Variants in MTURN observed in about 807,000 individuals in gnomAD.
MTURN encodes the protein maturin.
A neutral mutation model predicts 14.9 loss-of-function variants in MTURN; 7 were observed. The ratio of observed to expected loss-of-function variants is 0.47; its 90% CI spans 0.27 to 0.88. The LOEUF (loss-of-function observed/expected upper bound fraction) is 0.88. Ranked by LOEUF, MTURN falls within the 40% of genes least tolerant of loss-of-function variation. The probability of loss-of-function intolerance (pLI) is 0.14; values close to 1 mark genes in which losing one functional copy is unlikely to be tolerated. For missense variants in MTURN, 151 were observed against 174.1 expected (o/e 0.87, Z 0.75); for synonymous variants, 69 against 72.5 (o/e 0.95, Z 0.25).
intron 1 of MTURN, chr7:30,145,724 A>G (rs774937752): frequency 6.7e-5 from 77 of 1,145,726 alleles, no homozygotes; most frequent in Non-Finnish European, 8.7e-5. Flanking sequence ...CGATCTGGGT[A>G]AAGAATGTCT....
At chr7:30,138,636 T>G (rs753328455) in intron 1 of MTURN, among the ~76,000 whole-genome samples, 42 of 151,948 alleles carry the variant, frequency 2.8e-4, no homozygotes, top group Non-Finnish European at 6.0e-4. Context: ...AATGACTGCT[T>G]GGGGAGACTG....
intron 1 of MTURN, among the ~76,000 whole-genome samples, chr7:30,136,954 A>G (rs1796973456): frequency 6.6e-6 from 1 of 152,210 alleles, no homozygotes; most frequent in Non-Finnish European, 1.5e-5. Context: ...TGGTTTTCCC[A>G]CCTGTAAAAT....
Position 30,157,607 on chromosome 7 carries a change from G to T in MTURN, c.*59G>T. The T allele has an allele frequency of 1.5e-6, 2 of 1,309,474 alleles. No individual in the cohort carries two copies. The highest frequency in any genetic ancestry group is 2.9e-5 in the South Asian group (2 of 69,608). 81.1% of individuals were successfully genotyped at this position (1,309,474 alleles called of 1,614,324 possible). ...CCACAGTAACCTAGGTGGGGTCACT[G>T]CCCCTCCTGGGTTAGCATTTTGCAT... On this transcript the variant is annotated 3_prime_UTR_variant, in exon 3 of 3. Coordinates refer to ENST00000324453, the MANE Select transcript of MTURN (RefSeq NM_152793.3).
intron 2 of MTURN, among the ~76,000 whole-genome samples, chr7:30,156,290 TA>T (rs1797286500): frequency 6.6e-6 from 1 of 151,228 alleles, no homozygotes; most frequent in South Asian, 2.1e-4. Context: ...AAATTACCCA[TA>T]ATCTCACAAT....
At chr7:30,139,471 G>A (rs1471348932) in intron 1 of MTURN, among the ~76,000 whole-genome samples, 1 of 152,192 alleles carries the variant, frequency 6.6e-6, no homozygotes, top group Admixed American at 6.5e-5. Flanking sequence ...GTGACAACAT[G>A]GGACCCAATC....
At chr7:30,138,876 C>T (rs943433113) in intron 1 of MTURN, among the ~76,000 whole-genome samples, 13 of 152,182 alleles carry the variant, frequency 8.5e-5, no homozygotes, top group South Asian at 4.1e-4. Flanking sequence ...TTGGCACTTG[C>T]GTTCTGTCTG....
chr7:30,146,193 G>A lies in MTURN; in HGVS notation c.179G>A (p.Ser60Asn). 23 of 1,614,162 alleles carry A rather than the reference G, an allele frequency of 1.4e-5. No homozygotes were observed. The highest frequency in any genetic ancestry group is 1.9e-5 in the Non-Finnish European group (23 of 1,180,040). The change falls in exon 2 of 3, where the codon AGC (serine) becomes AAC (asparagine). Residue 60 changes from serine to asparagine, a missense_variant. Physicochemically the swap from Ser to Asn is conservative, Grantham distance 46 (BLOSUM62 1). Transcript: ENST00000324453. The part of the protein sequence containing the change: ...CGDNFHVWSE[S>N]EDCLPFLQLA... ...GGCACGCAGCACGTGTGGAGTGAGA[G>A]CGAGGACTGCCTGCCTTTCTTGCAG...
rs1315748751 is a variant in MTURN at position 30,159,578 on chromosome 7, A to G, written c.*2030A>G. ...AATACATGTTGGTATTATCATGTTAATGTTCTCTGTTTATAAAAATTGAGT... is the reference window on the plus strand; with the variant it reads ...AATACATGTTGGTATTATCATGTTAGTGTTCTCTGTTTATAAAAATTGAGT... On this transcript the variant is annotated 3_prime_UTR_variant, in exon 3 of 3. Transcript: ENST00000324453. The G allele has an allele frequency of 6.6e-6, 1 of 152,644 alleles. No individual in the cohort carries two copies. Among genetic ancestry groups the G allele is most frequent in the East Asian group, 1.9e-4 (1 of 5,198 alleles). The allele number at this position is 152,644 out of a possible 1,614,324, so 9.5% of individuals were successfully genotyped here.
rs1470434193 is a variant in MTURN at position 30,146,174 on chromosome 7, C to T, written c.163-3C>T. On this transcript the variant is annotated splice_polypyrimidine_tract_variant and splice_region_variant and intron_variant, in intron 1 of 2. Coordinates refer to ENST00000324453, the MANE Select transcript of MTURN (RefSeq NM_152793.3). The stretch of plus-strand genomic sequence containing the variant: ...TCTCCTTCCGTCGCCCGTGGGCACG[C>T]AGCACGTGTGGAGTGAGAGCGAGGA... The T allele has an allele frequency of 1.2e-6, 2 of 1,613,988 alleles. No homozygotes were observed. The highest frequency in any genetic ancestry group is 2.2e-5 in the East Asian group (1 of 44,878).
chr7:30,144,430 A>G lies in MTURN; in HGVS notation c.163-1747A>G, dbSNP rs143166646. Among the ~76,000 whole-genome samples, 86 of 152,376 alleles carry G rather than the reference A, an allele frequency of 5.6e-4. No individual in the cohort carries two copies. The East Asian group carries it at 9.4e-3, about 17-fold the overall frequency. On this transcript the variant is annotated intron_variant, in intron 1 of 2. Transcript: ENST00000324453. ...AAGAATCAACTGGCATAATGGATAT[A>G]CAAGTACTTTGTACCATTACACTTT...
At chr7:30,145,979 G>C (rs1426387651) in intron 1 of MTURN, 198 bp from the exon 2 acceptor site, 2 of 1,550,940 alleles carry the variant, frequency 1.3e-6, no homozygotes, top group Non-Finnish European at 1.7e-6. Context: ...AAAAGCTCGG[G>C]GGCTTCTATA....
intron 2 of MTURN, among the ~76,000 whole-genome samples, chr7:30,146,549 T>TG (rs568761311): frequency 0.12 from 18,192 of 151,574 alleles, 1,180 homozygotes; most frequent in African/African-American, 0.15. Flanking sequence ...GAATCCCTGA[T>TG]GGGGGGGGAA....
At chr7:30,156,991 T>G (rs915758742) in intron 2 of MTURN, among the ~76,000 whole-genome samples, 1 of 152,242 alleles carries the variant, frequency 6.6e-6, no homozygotes, top group South Asian at 2.1e-4. Context: ...ACATTTTAGT[T>G]GTCTCTAGAT....
In MTURN at chr7:30,135,278, A is replaced by G; in HGVS notation, c.142A>G (p.Asn48Asp). The G allele has an allele frequency of 6.5e-7, 1 of 1,526,766 alleles. No homozygotes were observed. The highest frequency in any genetic ancestry group is 1.2e-5 in the South Asian group (1 of 83,672). The allele number at this position is 1,526,766 out of a possible 1,614,324, so 94.6% of individuals were successfully genotyped here. A position where few individuals can be genotyped will look rare whatever the true frequency, so the allele number is the denominator to read the frequency against. Residue 48 changes from asparagine (N) to aspartate (D), a missense_variant, in exon 1 of 3, where the codon AAC (asparagine) becomes GAC (aspartate). Asn to Asp is a conservative substitution (Grantham distance 23, BLOSUM62 1). Coordinates refer to ENST00000324453, the MANE Select transcript of MTURN (RefSeq NM_152793.3). ...CTCCTTCTATGTGCTGTGTCCGGAC[A>G]ACGGCTGCGGCGACAATTTTGTGAG... ...GVSFYVLCPDNGCGDNFHVWS... is the reference protein window; with the variant it reads ...GVSFYVLCPDDGCGDNFHVWS...
intron 1 of MTURN, among the ~76,000 whole-genome samples, chr7:30,140,415 G>GTGTGTGTGTATATATATATA (rs33952294): frequency 2.1e-5 from 3 of 143,732 alleles, no homozygotes; most frequent in Admixed American, 6.9e-5. Context: ...GTGTGTGTGT[G>GTGTGTGTGTATATATATATA]TATCCCCATT....
At chr7:30,156,431 G>A (rs975682890) in intron 2 of MTURN, among the ~76,000 whole-genome samples, 5 of 152,128 alleles carry the variant, frequency 3.3e-5, no homozygotes, top group African/African-American at 9.7e-5. Context: ...TTGGGAGGCC[G>A]AGGCAGGAGG....
intron 1 of MTURN, among the ~76,000 whole-genome samples, chr7:30,135,813 C>G (rs1489767800): frequency 1.3e-5 from 2 of 152,238 alleles, no homozygotes; most frequent in African/African-American, 4.8e-5. Context: ...TTGCCCCTCC[C>G]GGGAGAACCC....
chr7:30,141,400 G>A (rs1797049784), intron 1 of MTURN: 3 of 132,018 alleles, frequency 2.3e-5, no homozygotes, highest in Non-Finnish European at 3.1e-5. Context: ...GGGCGACAGA[G>A]CAAGACTCCG....
intron 2 of MTURN, among the ~76,000 whole-genome samples, chr7:30,150,953 C>G (rs537332194): frequency 1.3e-5 from 2 of 152,320 alleles, no homozygotes; most frequent in East Asian, 3.9e-4. Flanking sequence ...TCATGGGGAA[C>G]TTTGAAGTCA....
Sources: gnomAD v4.1 joint callset for allele counts (sites outside exome capture counted in the v4.1 genomes callset) on GRCh38, gnomAD v4.1.1 for gene constraint, MANE v1.5 for transcripts, NCBI Gene and HGNC (gene_info 2026-07-23, HGNC 2026-07-21) for gene names.